Variants in ADAMTSL1 observed in about 807,000 individuals in gnomAD.
ADAMTSL1 encodes ADAMTS-like protein 1.
Under a neutral mutation model 201.8 loss-of-function variants are expected in ADAMTSL1, and 126 were observed. The ratio of observed to expected loss-of-function variants is 0.62; its 90% CI spans 0.54 to 0.72. The LOEUF (loss-of-function observed/expected upper bound fraction) is 0.72, where lower values mean the gene tolerates loss of function less well. Ranked by LOEUF, ADAMTSL1 falls within the 30% of genes least tolerant of loss-of-function variation. The probability of loss-of-function intolerance (pLI) is 0.00; values close to 1 mark genes in which losing one functional copy is unlikely to be tolerated. For missense variants in ADAMTSL1, 2,679 were observed against 2,277.8 expected (o/e 1.18, Z -3.59); for synonymous variants, 1,121 against 903.4 (o/e 1.24, Z -4.32).
intron 4 of ADAMTSL1, among the ~76,000 whole-genome samples, chr9:18,613,655 A>G (rs780271561): frequency 2.0e-5 from 3 of 152,174 alleles, no homozygotes; most frequent in Non-Finnish European, 2.9e-5. Flanking sequence ...ACTGCATGTT[A>G]TCACTTATAA....
chr9:18,239,052 A>G (rs1411057366), intron 2 of ADAMTSL1, among the ~76,000 whole-genome samples: 4 of 152,238 alleles, frequency 2.6e-5, no homozygotes, highest in African/African-American at 9.6e-5. Flanking sequence ...AAAAATGAAT[A>G]TACCTTAATT....
At chr9:18,521,268 A>C (rs1818675485) in intron 2 of ADAMTSL1, among the ~76,000 whole-genome samples, 1 of 152,072 alleles carries the variant, frequency 6.6e-6, no homozygotes, top group African/African-American at 2.4e-5. Context: ...GGCAGAGAGG[A>C]GGGGCCTCAA....
intron 3 of ADAMTSL1, among the ~76,000 whole-genome samples, chr9:18,568,822 C>T (rs933837597): frequency 3.3e-5 from 5 of 150,152 alleles, no homozygotes; most frequent in African/African-American, 1.2e-4. Flanking sequence ...TGATTCTACA[C>T]ATAAAAGCAT....
chr9:18,454,408 C>G (rs931842304), intron 2 of ADAMTSL1, among the ~76,000 whole-genome samples: 2 of 152,156 alleles, frequency 1.3e-5, no homozygotes, highest in African/African-American at 4.8e-5. Flanking sequence ...ACTCAGTCCA[C>G]AGACTCACAT....
intron 1 of ADAMTSL1, among the ~76,000 whole-genome samples, chr9:18,149,323 G>T (rs1242910217): frequency 1.3e-5 from 2 of 152,038 alleles, no homozygotes; most frequent in African/African-American, 4.8e-5. Context: ...GGTTCAGAAG[G>T]CCAGAAGCCA....
At chr9:18,286,640 C>T (rs1430195247) in intron 2 of ADAMTSL1, among the ~76,000 whole-genome samples, 1 of 56,300 alleles carries the variant, frequency 1.8e-5, no homozygotes, top group African/African-American at 3.9e-5. Flanking sequence ...CTTTCTGAAT[C>T]TGTGCTCATA....
At chr9:18,828,141 A>C (rs1004632194) in intron 22 of ADAMTSL1, among the ~76,000 whole-genome samples, 4 of 152,176 alleles carry the variant, frequency 2.6e-5, no homozygotes, top group Non-Finnish European at 5.9e-5. Flanking sequence ...TTGCCATTTT[A>C]TGTTGCTGAC....
At chr9:18,008,949 G>T (rs1819942922) in intron 1 of ADAMTSL1, among the ~76,000 whole-genome samples, 1 of 151,908 alleles carries the variant, frequency 6.6e-6, no homozygotes, top group Non-Finnish European at 1.5e-5. Context: ...GCTGGAACAG[G>T]GCATCATCGA....
chr9:18,295,158 G>A (rs1026592648), intron 2 of ADAMTSL1, among the ~76,000 whole-genome samples: 2 of 152,022 alleles, frequency 1.3e-5, no homozygotes. Flanking sequence ...AATGGGCCAC[G>A]CAACTTTGCA....
chr9:18,686,319 A>G (rs1830835811), intron 13 of ADAMTSL1, among the ~76,000 whole-genome samples: 1 of 152,222 alleles, frequency 6.6e-6, no homozygotes, highest in Non-Finnish European at 1.5e-5. Flanking sequence ...CTTCTTTGAG[A>G]AAAAGCAACT....
chr9:18,905,532 C>G (rs957766080), intron 26 of ADAMTSL1: 6 of 499,942 alleles, frequency 1.2e-5, no homozygotes, highest in Non-Finnish European at 2.2e-5. Flanking sequence ...TTGACGTTCT[C>G]TTACTGGTTC....
At chr9:18,698,074 T>A (rs933949631) in intron 13 of ADAMTSL1, among the ~76,000 whole-genome samples, 1 of 152,202 alleles carries the variant, frequency 6.6e-6, no homozygotes, top group African/African-American at 2.4e-5. Context: ...ATAAAGCACT[T>A]AGAGTAGTGC....
chr9:18,470,881 C>T (rs150681053), upstream of ADAMTSL1, among the ~76,000 whole-genome samples: 1 of 152,318 alleles, frequency 6.6e-6, no homozygotes, highest in East Asian at 1.9e-4. Flanking sequence ...ATATGTTGTG[C>T]ATGGAGCCAG....
chr9:18,498,999 T>C (rs909868949), intron 1 of ADAMTSL1, among the ~76,000 whole-genome samples: 3 of 152,256 alleles, frequency 2.0e-5, no homozygotes, highest in Admixed American at 2.0e-4. Flanking sequence ...AATGTGTGCA[T>C]AGATGCTGAG....
At chr9:18,485,325 C>A (rs1220236048) in intron 1 of ADAMTSL1, among the ~76,000 whole-genome samples, 1 of 152,182 alleles carries the variant, frequency 6.6e-6, no homozygotes, top group Non-Finnish European at 1.5e-5. Flanking sequence ...ACACATTTAG[C>A]CTTATGGAAA....
chr9:18,079,425 T>A (rs904813834), intron 1 of ADAMTSL1, among the ~76,000 whole-genome samples: 7 of 152,014 alleles, frequency 4.6e-5, no homozygotes, highest in Non-Finnish European at 7.4e-5. Flanking sequence ...ACACCTGTAA[T>A]CCCAGCACTT....
At chr9:18,651,218 G>A (rs183659977) in intron 7 of ADAMTSL1, 1 of 152,322 alleles carries the variant, frequency 6.6e-6, no homozygotes, top group Admixed American at 6.5e-5. Flanking sequence ...CCATCATCTG[G>A]ATAACTGGCT....
intron 1 of ADAMTSL1, among the ~76,000 whole-genome samples, chr9:18,156,304 C>A (rs941837142): frequency 1.3e-5 from 2 of 151,904 alleles, no homozygotes; most frequent in Non-Finnish European, 2.9e-5. Context: ...TGAAAGGAGC[C>A]AATGTAAACT....
At chr9:18,887,643 A>G (rs1383257476) in intron 23 of ADAMTSL1, among the ~76,000 whole-genome samples, 188 bp from the exon 24 acceptor site, 1 of 152,154 alleles carries the variant, frequency 6.6e-6, no homozygotes, top group Non-Finnish European at 1.5e-5. Flanking sequence ...AATCATAGTC[A>G]CCCTCCTAGA....
Sources: gnomAD v4.1 joint callset for allele counts (sites outside exome capture counted in the v4.1 genomes callset) on GRCh38, gnomAD v4.1.1 for gene constraint, MANE v1.5 for transcripts, NCBI Gene and HGNC (gene_info 2026-07-23, HGNC 2026-07-21) for gene names.